The following TACC2 variants were observed in gnomAD, a reference collection of about 807,000 sequenced individuals.
TACC2 encodes the protein transforming acidic coiled-coil containing protein 2.
A neutral mutation model predicts 227.3 loss-of-function variants in TACC2; 137 were observed. The observed-to-expected ratio is 0.60, with a 90% CI of 0.52 to 0.69. The LOEUF (loss-of-function observed/expected upper bound fraction) is 0.69, where lower values mean the gene tolerates loss of function less well. TACC2 is among the 30% of genes least tolerant of loss of function. TACC2 has a pLI of 0.00. For synonymous variants in TACC2, 1,523 were observed against 1,487.5 expected (o/e 1.02, Z -0.55); for missense variants, 3,470 against 3,694.4 (o/e 0.94, Z 1.57).
chr10:122,048,261 G>T (rs540737373), intron 2 of TACC2, among the ~76,000 whole-genome samples: 107 of 152,170 alleles, frequency 7.0e-4, no homozygotes, highest in Non-Finnish European at 1.2e-3. Flanking sequence ...CTCCAGGCAG[G>T]AGCCATACCT....
chr10:122,075,339 A>T (rs1405230829), intron 3 of TACC2, among the ~76,000 whole-genome samples: 2 of 133,892 alleles, frequency 1.5e-5, no homozygotes, highest in Non-Finnish European at 3.5e-5. Context: ...GCCATGAAGG[A>T]TGGGGAAGGC....
intron 7 of TACC2, among the ~76,000 whole-genome samples, chr10:122,174,556 G>A (rs2093619951): frequency 6.6e-6 from 1 of 152,138 alleles, no homozygotes; most frequent in African/African-American, 2.4e-5. Context: ...GGAACCAGGA[G>A]AAGAATTGGT....
At position 122,210,014 on chromosome 10, in the gene TACC2, C is replaced by G. The variant is rs777655151; in HGVS notation, c.5972-383C>G. Reference sequence around the variant, plus strand: ...GCCCTGGTGGTTTATTCGCTATCTTCCCCTGAAGAATGTGACTTCCAGGAA... The same window carrying G: ...GCCCTGGTGGTTTATTCGCTATCTTGCCCTGAAGAATGTGACTTCCAGGAA... On this transcript the variant is annotated intron_variant, in intron 8 of 22. Coordinates refer to ENST00000369005, the MANE Select transcript of TACC2 (RefSeq NM_206862.4). The surrounding 1 kb of genome is among the most constrained non-coding windows in gnomAD (Gnocchi z 4.6). 8.3e-6 allele frequency: 2 copies of G among 240,274 alleles called. No individual in the cohort carries two copies. Among genetic ancestry groups the G allele is most frequent in the Admixed American group, 5.1e-5 (1 of 19,422 alleles). 14.9% of individuals were successfully genotyped at this position (240,274 alleles called of 1,614,324 possible).
intron 5 of TACC2, among the ~76,000 whole-genome samples, chr10:122,101,964 T>C (rs1298413010): frequency 1.3e-5 from 2 of 152,030 alleles, no homozygotes; most frequent in African/African-American, 4.8e-5. Context: ...TTTACAGTCA[T>C]GCATTGCTTA....
intron 9 of TACC2, chr10:122,213,386 A>G: frequency 6.2e-7 from 1 of 1,612,088 alleles, no homozygotes; most frequent in South Asian, 1.1e-5. Context: ...TTGTAAGTAA[A>G]TTTAATGCAA....
chr10:122,143,289 T>G (rs1376965038), intron 6 of TACC2, among the ~76,000 whole-genome samples: 3 of 152,166 alleles, frequency 2.0e-5, no homozygotes, highest in Admixed American at 6.5e-5. Context: ...TCACATAGCG[T>G]GTCCTGGACA....
At chr10:122,099,238 C>T (rs1382592625) in intron 5 of TACC2, among the ~76,000 whole-genome samples, 1 of 152,212 alleles carries the variant, frequency 6.6e-6, no homozygotes, top group East Asian at 1.9e-4. Context: ...GACGAAGCAG[C>T]TGGTATTGAA....
chr10:122,016,610 T>G (rs1022119950), intron 1 of TACC2, among the ~76,000 whole-genome samples: 1 of 151,090 alleles, frequency 6.6e-6, no homozygotes, highest in Non-Finnish European at 1.5e-5. Context: ...ACCTGAGGCC[T>G]TTCTCACCTC....
chr10:122,052,312 G>C (rs1168536638), intron 3 of TACC2: 1 of 152,186 alleles, frequency 6.6e-6, no homozygotes, highest in African/African-American at 2.4e-5. Flanking sequence ...GGACTGAAGA[G>C]TAGCAGCAGC....
intron 1 of TACC2, among the ~76,000 whole-genome samples, chr10:121,995,789 C>T (rs559692247): frequency 6.6e-6 from 1 of 152,092 alleles, no homozygotes; most frequent in Non-Finnish European, 1.5e-5. Context: ...GAGTCTCGTT[C>T]TGTCGCCAGG....
At chr10:122,092,064 T>C (rs2137311550) in intron 5 of TACC2, among the ~76,000 whole-genome samples, 1 of 152,314 alleles carries the variant, frequency 6.6e-6, no homozygotes, top group Middle Eastern at 3.4e-3. Context: ...TTCCCTGTTG[T>C]TTTGTGATGG....
chr10:122,010,838 T>C (rs1955832355), intron 1 of TACC2, among the ~76,000 whole-genome samples: 1 of 152,188 alleles, frequency 6.6e-6, no homozygotes, highest in African/African-American at 2.4e-5. Flanking sequence ...CTTAGTGGTT[T>C]AAGACAAGAA....
At chr10:122,074,994 C>T (rs971208680) in intron 3 of TACC2, among the ~76,000 whole-genome samples, 1 of 152,082 alleles carries the variant, frequency 6.6e-6, no homozygotes, top group Non-Finnish European at 1.5e-5. Flanking sequence ...AAATAGAGCA[C>T]TTTGGACATC....
Position 122,240,064 on chromosome 10 carries a change from C to G in TACC2, c.8349-1894C>G, listed in dbSNP as rs113237569. Among the ~76,000 whole-genome samples the G allele has an allele frequency of 5.8e-3, 881 of 152,314 alleles. 14 individuals are homozygous for G. Among genetic ancestry groups the G allele is most frequent in the African/African-American group, 0.02 (835 of 41,568 alleles). On this transcript the variant is annotated intron_variant, in intron 18 of 22. Transcript: ENST00000369005. The stretch of plus-strand genomic sequence containing the variant: ...ATCCTGGAAGAGTTTCTGAATCACT[C>G]TGACTCCACCCCAGTGTCTTCATCA...
At position 122,091,583 on chromosome 10, in the gene TACC2, A is replaced by G. The variant is rs150750808; in HGVS notation, c.5573+2992A>G. ...CTAACATTGGTTGAGGGTTTCTGGA[A>G]AAAATTCGGATTGGACTCTCTCATC... On this transcript the variant is annotated intron_variant, in intron 5 of 22. Transcript: ENST00000369005. Among the ~76,000 whole-genome samples the G allele has an allele frequency of 5.3e-5, 8 of 152,226 alleles. No homozygotes were observed. The East Asian group carries it at 1.6e-3, about 30-fold the overall frequency.
chr10:121,990,268 A>G (rs1477157772), intron 1 of TACC2, among the ~76,000 whole-genome samples: 1 of 151,942 alleles, frequency 6.6e-6, no homozygotes, highest in Admixed American at 6.6e-5. Flanking sequence ...GGTGCATGCC[A>G]CTAAATTCAG....
rs4752657 is a variant in TACC2, at chr10:122,141,688, C to A, written c.5700-1884C>A. 7.9e-5 allele frequency among the ~76,000 whole-genome samples: 12 copies of A among 152,084 alleles called. No individual in the cohort carries two copies. Among genetic ancestry groups the A allele is most frequent in the South Asian group, 2.1e-4 (1 of 4,816 alleles). On this transcript the variant is annotated intron_variant, in intron 6 of 22. Transcript: ENST00000369005. The surrounding 1 kb of genome is among the most constrained non-coding windows in gnomAD (Gnocchi z 4.3). ...CAGATCTAAGGTAGCATCTCCCCCC[C>A]ACCCGCCACTGTTTTCTAAGACAGA... is the stretch of plus-strand genomic sequence containing the variant.
At chr10:122,239,624 G>T (rs2095940575) in intron 18 of TACC2, among the ~76,000 whole-genome samples, 1 of 152,166 alleles carries the variant, frequency 6.6e-6, no homozygotes, top group Admixed American at 6.5e-5. Context: ...CACCCAGGAA[G>T]GCTGTAAGTT....
In TACC2 at chr10:122,087,629, C is replaced by A; in HGVS notation, c.5129C>A (p.Thr1710Asn). ...GAAGEAEGDI[T>N]LSTAETQACA... The stretch of plus-strand genomic sequence containing the variant: ...GCTGGGGAAGCAGAGGGTGACATCA[C>A]CCTGAGCACAGCTGAGACACAGGCA... The change falls in exon 4 of 23, where the codon ACC becomes AAC. Residue 1710 changes from threonine (T) to asparagine (N), a missense_variant. By Grantham distance (65) the Thr-to-Asn change is moderately conservative. Around this residue, in one of 10 missense-constraint regions of TACC2, gnomAD observed 1,924 missense variants for 1,978.3 expected, o/e 0.97. Coordinates refer to ENST00000369005, the MANE Select transcript of TACC2 (RefSeq NM_206862.4). 6.2e-7 allele frequency: 1 copy of A among 1,613,488 alleles called. No homozygotes were observed. The highest frequency in any genetic ancestry group is 8.5e-7 in the Non-Finnish European group (1 of 1,180,012).
Sources: allele counts gnomAD v4.1 joint callset (sites outside exome capture counted in the v4.1 genomes callset), GRCh38; gene constraint gnomAD v4.1.1; regional missense constraint gnomAD v4.1.1; non-coding constraint Gnocchi (gnomAD v3.1); transcripts MANE v1.5; gene names NCBI Gene and HGNC (gene_info 2026-07-23, HGNC 2026-07-21).